Variants in PTPRR observed in about 807,000 individuals in gnomAD.
PTPRR encodes the protein protein tyrosine phosphatase receptor type R.
PTPRR carries 38 observed loss-of-function variants against 77.2 expected under a neutral mutation model. The ratio of observed to expected loss-of-function variants is 0.49; its 90% CI spans 0.38 to 0.65. The LOEUF (loss-of-function observed/expected upper bound fraction) is 0.65. PTPRR is among the 30% of genes least tolerant of loss of function. PTPRR has a pLI of 0.00. For synonymous variants in PTPRR, 299 were observed against 283.1 expected, an observed-to-expected ratio of 1.06 and a Z score of -0.57; for missense variants, 744 against 799.2, an observed-to-expected ratio of 0.93 and a Z score of 0.83.
intron 2 of PTPRR, among the ~76,000 whole-genome samples, chr12:70,880,725 G>A (rs1296555279): frequency 1.3e-5 from 2 of 152,070 alleles, no homozygotes; most frequent in Non-Finnish European, 2.9e-5. Flanking sequence ...CAAGAATTCA[G>A]TGTCCATTCG....
At chr12:70,772,863 TCTTA>T (rs932338571) in intron 2 of PTPRR, among the ~76,000 whole-genome samples, 39 of 152,212 alleles carry the variant, frequency 2.6e-4, no homozygotes, top group Admixed American at 4.6e-4. Context: ...TTAAAATTTA[TCTTA>T]CTTTATTTTT....
At chr12:70,741,820 G>C (rs1481838076) in intron 6 of PTPRR, among the ~76,000 whole-genome samples, 1 of 152,146 alleles carries the variant, frequency 6.6e-6, no homozygotes, top group African/African-American at 2.4e-5. Context: ...GGGAAGTGGG[G>C]GACCCTCAAT....
At chr12:70,797,286 TTCTTC>T (rs1891532615) in intron 2 of PTPRR, among the ~76,000 whole-genome samples, 1 of 152,170 alleles carries the variant, frequency 6.6e-6, no homozygotes. Context: ...GAAAGCTCTT[TTCTTC>T]TCTTATCAAA....
At chr12:70,795,634 AAT>A (rs1315794146) in intron 2 of PTPRR, among the ~76,000 whole-genome samples, 1 of 152,220 alleles carries the variant, frequency 6.6e-6, no homozygotes, top group Non-Finnish European at 1.5e-5. Flanking sequence ...AAACTAGAGA[AAT>A]ATATGAGTAC....
intron 1 of PTPRR, 78 bp downstream of exon 1, chr12:70,920,255 G>A (rs1241042312): frequency 6.8e-7 from 1 of 1,478,740 alleles, no homozygotes; most frequent in Non-Finnish European, 9.4e-7. Flanking sequence ...CGCAAGGCAA[G>A]CTTTTCCTAG....
At chr12:70,659,559 G>C (rs1886718092) in intron 12 of PTPRR, among the ~76,000 whole-genome samples, 1 of 152,126 alleles carries the variant, frequency 6.6e-6, no homozygotes, top group Admixed American at 6.5e-5. Context: ...TAGGGGAAGT[G>C]ACTAGTTCAT....
chr12:70,851,248 T>C (rs954400518), intron 2 of PTPRR, among the ~76,000 whole-genome samples: 1 of 152,164 alleles, frequency 6.6e-6, no homozygotes, highest in Non-Finnish European at 1.5e-5. Flanking sequence ...TTATCCTGAC[T>C]CTAATAATGA....
intron 6 of PTPRR, among the ~76,000 whole-genome samples, chr12:70,719,727 CA>C: frequency 6.6e-6 from 1 of 152,180 alleles, no homozygotes. Context: ...AGAGCATCTG[CA>C]GTCTGAACCC....
intron 2 of PTPRR, among the ~76,000 whole-genome samples, chr12:70,850,229 G>A (rs1892549772): frequency 1.3e-5 from 2 of 151,958 alleles, no homozygotes; most frequent in Admixed American, 1.3e-4. Flanking sequence ...GGGTGTGGTG[G>A]CGGGCGCCTA....
Position 70,920,642 on chromosome 12 carries a change from C to T in PTPRR, c.-252G>A. 1 of 413,502 alleles carries T rather than the reference C, an allele frequency of 2.4e-6. No individual in the cohort carries two copies. Among genetic ancestry groups the T allele is most frequent in the Non-Finnish European group, 4.5e-6 (1 of 220,964 alleles). The allele number at this position is 413,502 out of a possible 1,614,324, so 25.6% of individuals were successfully genotyped here. On this transcript the variant is annotated 5_prime_UTR_variant, in exon 1 of 14. Transcript: ENST00000283228. ...CAGAAGCGCTCAGAGGCGGCAAATG[C>T]CTGGCCTTCTGGACGCCCAGAAGCC...
intron 2 of PTPRR, among the ~76,000 whole-genome samples, chr12:70,886,289 C>A (rs2137110466): frequency 6.6e-6 from 1 of 152,244 alleles, no homozygotes; most frequent in South Asian, 2.1e-4. Flanking sequence ...GAGCATAAAG[C>A]TTTCTGCAAT....
chr12:70,702,239 T>C (rs1442714370), intron 6 of PTPRR, among the ~76,000 whole-genome samples: 1 of 152,102 alleles, frequency 6.6e-6, no homozygotes, highest in African/African-American at 2.4e-5. Flanking sequence ...GAAGTGAGGA[T>C]GCCTTTTACA....
rs1409622392 is a variant in PTPRR, at chr12:70,678,934, G to A, written c.1497+5193C>T. Among the ~76,000 whole-genome samples the A allele has an allele frequency of 4.6e-5, 7 of 152,026 alleles. No individual in the cohort carries two copies. In the East Asian group the frequency reaches 1.2e-3, roughly 25 times the overall value. On this transcript the variant is annotated intron_variant, in intron 10 of 13. Coordinates refer to ENST00000283228, the MANE Select transcript of PTPRR (RefSeq NM_002849.4). ...TGACCTCAAGTGATCTGCCTGCCTCGGCCTCCCAAAGTGCTGGGATTACAA... is the reference window on the plus strand; with the variant it reads ...TGACCTCAAGTGATCTGCCTGCCTCAGCCTCCCAAAGTGCTGGGATTACAA...
At chr12:70,815,298 G>T (rs1473857588) in intron 2 of PTPRR, among the ~76,000 whole-genome samples, 3 of 152,036 alleles carry the variant, frequency 2.0e-5, no homozygotes, top group African/African-American at 4.8e-5. Flanking sequence ...ACAGAAAAAA[G>T]ATTGAAAAAG....
chr12:70,803,165 T>G (rs979555248), intron 2 of PTPRR, among the ~76,000 whole-genome samples: 1 of 152,326 alleles, frequency 6.6e-6, no homozygotes, highest in Admixed American at 6.5e-5. Context: ...CATCAGCTCA[T>G]GAGCCAAATT....
chr12:70,666,813 A>C (rs1242878740), intron 10 of PTPRR, among the ~76,000 whole-genome samples: 1 of 152,060 alleles, frequency 6.6e-6, no homozygotes, highest in African/African-American at 2.4e-5. Context: ...ACCAACACTC[A>C]TAAGACTGAA....
At chr12:70,848,487 T>A (rs566859526) in intron 2 of PTPRR, among the ~76,000 whole-genome samples, 37 of 152,264 alleles carry the variant, frequency 2.4e-4, no homozygotes, top group South Asian at 6.2e-4. Flanking sequence ...GCTAATTTTT[T>A]AAATTATTTT....
chr12:70,871,902 C>T (rs544172233), intron 2 of PTPRR, among the ~76,000 whole-genome samples: 1 of 152,184 alleles, frequency 6.6e-6, no homozygotes, highest in South Asian at 2.1e-4. Context: ...GGCCTCATTC[C>T]CATAAAGATT....
At chr12:70,868,929 C>T (rs975441291) in intron 2 of PTPRR, among the ~76,000 whole-genome samples, 1 of 149,606 alleles carries the variant, frequency 6.7e-6, no homozygotes, top group East Asian at 2.0e-4. Context: ...CAAACTATCA[C>T]AAGGACAAAA....
Sources: gnomAD v4.1 joint callset for allele counts (sites outside exome capture counted in the v4.1 genomes callset) on GRCh38, gnomAD v4.1.1 for gene constraint, MANE v1.5 for transcripts, NCBI Gene and HGNC (gene_info 2026-07-23, HGNC 2026-07-21) for gene names.